The following FBP2 variants were observed in gnomAD, a reference collection of about 807,000 sequenced individuals.
FBP2 encodes fructose-1,6-bisphosphatase isozyme 2.
A neutral mutation model predicts 31.6 loss-of-function variants in FBP2; 27 were observed. The ratio of observed to expected loss-of-function variants is 0.85; its 90% CI spans 0.63 to 1.18. The LOEUF is 1.18. Ranked by LOEUF, FBP2 falls within the 50% of genes most tolerant of loss-of-function variation. FBP2 has a pLI of 0.00. For synonymous variants in FBP2, 168 were observed against 179.8 expected (o/e 0.93, Z 0.53); for missense variants, 421 against 436.1 (o/e 0.97, Z 0.31).
At position 94,587,460 on chromosome 9, in the gene FBP2, G is replaced by C. The variant is rs761051127; in HGVS notation, c.180C>G (p.Ile60Met). ...CTCCCGTCACGTTAACGCTTCCTGC[G>C]ATTCCATACCTGAGAAGACAAAAGG... ...RKAGLAHLYG[I>M]AGSVNVTGDE... Residue 60 changes from isoleucine to methionine, a missense_variant, in exon 2 of 7, where the codon ATC becomes ATG. Transcript: ENST00000375337. 1.2e-6 allele frequency: 2 copies of C among 1,613,910 alleles called. No individual in the cohort carries two copies. Among genetic ancestry groups the C allele is most frequent in the South Asian group, 2.2e-5 (2 of 91,024 alleles).
chr9:94,579,893 C>A (rs1345289306), intron 3 of FBP2, among the ~76,000 whole-genome samples: 1 of 152,168 alleles, frequency 6.6e-6, no homozygotes, highest in Non-Finnish European at 1.5e-5. Flanking sequence ...TCTAGAAAAG[C>A]AATGTTTTCC....
At chr9:94,567,460 C>G in intron 4 of FBP2, 53 bp from the exon 5 acceptor site, 1 of 1,586,060 alleles carries the variant, frequency 6.3e-7, no homozygotes, top group Non-Finnish European at 8.6e-7. Flanking sequence ...GGAAACAAGC[C>G]AACCGCACAA....
chr9:94,588,670 G>A (rs994818617), intron 1 of FBP2, among the ~76,000 whole-genome samples: 1 of 152,074 alleles, frequency 6.6e-6, no homozygotes, highest in Non-Finnish European at 1.5e-5. Context: ...ATATGCAAAG[G>A]TCTCCCCACT....
chr9:94,560,582 A>C (rs1041641647), intron 6 of FBP2, among the ~76,000 whole-genome samples: 7 of 152,068 alleles, frequency 4.6e-5, no homozygotes, highest in Non-Finnish European at 1.0e-4. Context: ...TGGTTGACCC[A>C]GCTATGTGCA....
intron 1 of FBP2, among the ~76,000 whole-genome samples, chr9:94,588,002 C>A (rs969597775): frequency 6.6e-6 from 1 of 152,126 alleles, no homozygotes; most frequent in Non-Finnish European, 1.5e-5. Context: ...GCGCCCGCCA[C>A]CACGCCCGGC....
At chr9:94,561,352 ATTTTTTTTTT>A (rs1174386595) in intron 6 of FBP2, among the ~76,000 whole-genome samples, 3 of 54,990 alleles carry the variant, frequency 5.5e-5, no homozygotes, top group East Asian at 6.4e-4. Flanking sequence ...TGTGACCTGT[ATTTTTTTTTT>A]TTTTTTTTTT....
intron 1 of FBP2, among the ~76,000 whole-genome samples, chr9:94,591,312 C>T (rs1199369932): frequency 1.3e-5 from 2 of 152,356 alleles, no homozygotes; most frequent in South Asian, 2.1e-4. Flanking sequence ...TAAGGCCCAG[C>T]GAGAAATCGA....
intron 6 of FBP2, among the ~76,000 whole-genome samples, chr9:94,560,949 G>C (rs1427468302): frequency 6.6e-6 from 1 of 151,890 alleles, no homozygotes; most frequent in Non-Finnish European, 1.5e-5. Flanking sequence ...TAAAGTAGTG[G>C]GTGTCCAGAA....
chr9:94,573,066 C>T (rs1349495883), intron 3 of FBP2: 1 of 152,196 alleles, frequency 6.6e-6, no homozygotes, highest in Non-Finnish European at 1.5e-5. Flanking sequence ...GTTTCATCAT[C>T]TTCCTTGCCT....
chr9:94,589,697 C>A (rs1017494432), intron 1 of FBP2, among the ~76,000 whole-genome samples: 1 of 152,194 alleles, frequency 6.6e-6, no homozygotes, highest in African/African-American at 2.4e-5. Context: ...AAACTCATTT[C>A]CCACCCTCTT....
chr9:94,568,722 TAACAAA>T (rs2131448340), intron 4 of FBP2: 1 of 152,214 alleles, frequency 6.6e-6, no homozygotes, highest in Non-Finnish European at 1.5e-5. Flanking sequence ...GGAGACTCAA[TAACAAA>T]AACAACTAAA....
intron 3 of FBP2, among the ~76,000 whole-genome samples, chr9:94,582,295 C>T (rs1587844138): frequency 6.6e-6 from 1 of 152,084 alleles, no homozygotes; most frequent in East Asian, 1.9e-4. Context: ...ATGTCAGGAC[C>T]ATCTTCATAA....
chr9:94,562,530 ATC>A (rs1827124419), intron 6 of FBP2, among the ~76,000 whole-genome samples: 1 of 152,066 alleles, frequency 6.6e-6, no homozygotes, highest in Non-Finnish European at 1.5e-5. Flanking sequence ...GCTGTGTGAG[ATC>A]TCTCAGCGTG....
intron 3 of FBP2, 61 bp from the exon 4 acceptor site, chr9:94,571,663 A>T: frequency 6.7e-7 from 1 of 1,487,168 alleles, no homozygotes; most frequent in Admixed American, 2.0e-5. Context: ...ACACTTTGCC[A>T]GGGGCCTGGG....
chr9:94,588,023 C>T (rs1827448288), intron 1 of FBP2, among the ~76,000 whole-genome samples: 1 of 151,534 alleles, frequency 6.6e-6, no homozygotes, highest in South Asian at 2.1e-4. Flanking sequence ...TAATTTTTTT[C>T]TGTATTTTTA....
chr9:94,567,854 C>T (rs935522540), intron 4 of FBP2: 24 of 159,000 alleles, frequency 1.5e-4, no homozygotes, highest in African/African-American at 2.9e-4. Flanking sequence ...ACAGGCTGGG[C>T]GCAGTGGCTT....
chr9:94,584,466 C>G, intron 3 of FBP2, 111 bp downstream of exon 3: 17 of 701,060 alleles, frequency 2.4e-5, no homozygotes, highest in Non-Finnish European at 5.1e-6. Flanking sequence ...AGTGGCTTTT[C>G]TCGTTAGTGG....
chr9:94,593,790 C>T lies in FBP2; in HGVS notation c.-64G>A. The T allele has an allele frequency of 1.9e-6, 3 of 1,559,330 alleles. No individual in the cohort carries two copies. Among genetic ancestry groups the T allele is most frequent in the Non-Finnish European group, 1.8e-6 (2 of 1,141,874 alleles). On this transcript the variant is annotated 5_prime_UTR_variant, in exon 1 of 7. Coordinates refer to ENST00000375337, the MANE Select transcript of FBP2 (RefSeq NM_003837.4). ...AAACCTTGCTTACTTCTGAGGGCTG[C>T]AGCTCCGCAGTGTGGAAGCCGATAA...
chr9:94,583,897 G>A (rs866230562), intron 3 of FBP2, among the ~76,000 whole-genome samples: 4 of 152,122 alleles, frequency 2.6e-5, no homozygotes, highest in Non-Finnish European at 5.9e-5. Flanking sequence ...GTGAGCCACC[G>A]CAGCTGGCGA....
Sources: allele counts gnomAD v4.1 joint callset (sites outside exome capture counted in the v4.1 genomes callset), GRCh38; gene constraint gnomAD v4.1.1; transcripts MANE v1.5; gene names NCBI Gene and HGNC (gene_info 2026-07-23, HGNC 2026-07-21).